The following STK32B variants were observed in gnomAD, a reference collection of about 807,000 sequenced individuals.
STK32B encodes the protein serine/threonine-protein kinase 32B.
Under a neutral mutation model 52.6 loss-of-function variants are expected in STK32B, and 43 were observed. The ratio of observed to expected loss-of-function variants is 0.82; its 90% CI spans 0.64 to 1.05. The LOEUF is 1.05. Ranked by LOEUF, STK32B falls within the 50% of genes least tolerant of loss-of-function variation. The pLI, the probability that STK32B is intolerant of heterozygous loss-of-function variation, is 0.00. For missense variants in STK32B, 621 were observed against 534.6 expected, an observed-to-expected ratio of 1.16 and a Z score of -1.59; for synonymous variants, 238 against 204.3, an observed-to-expected ratio of 1.17 and a Z score of -1.41.
intron 3 of STK32B, among the ~76,000 whole-genome samples, chr4:5,312,748 C>T (rs1046259308): frequency 4.7e-5 from 7 of 150,108 alleles, no homozygotes; most frequent in Admixed American, 2.0e-4. Context: ...AATAAACATA[C>T]GTGTGCATGT....
chr4:5,112,033 A>G (rs1244331756), intron 1 of STK32B, among the ~76,000 whole-genome samples: 2 of 152,144 alleles, frequency 1.3e-5, no homozygotes, highest in Non-Finnish European at 2.9e-5. Context: ...GAGACTTGGG[A>G]TATTGGCCCA....
At chr4:5,334,320 T>C (rs1272725724) in intron 4 of STK32B, among the ~76,000 whole-genome samples, 17 of 151,608 alleles carry the variant, frequency 1.1e-4, no homozygotes, top group African/African-American at 3.9e-4. Flanking sequence ...TTTTTATACA[T>C]TGATTTTGTA....
chr4:5,305,553 C>T (rs1003093020), intron 3 of STK32B, among the ~76,000 whole-genome samples: 2 of 151,970 alleles, frequency 1.3e-5, no homozygotes, highest in African/African-American at 2.4e-5. Context: ...GTAATACCTC[C>T]CATTTCGTTT....
chr4:5,105,142 C>G (rs1350443144), intron 1 of STK32B, among the ~76,000 whole-genome samples: 1 of 152,082 alleles, frequency 6.6e-6, no homozygotes, highest in Non-Finnish European at 1.5e-5. Context: ...GTAATGACAT[C>G]TCATTGCAGT....
At chr4:5,166,526 G>C (rs923725990) in intron 2 of STK32B, among the ~76,000 whole-genome samples, 1 of 149,104 alleles carries the variant, frequency 6.7e-6, no homozygotes, top group Non-Finnish European at 1.5e-5. Flanking sequence ...GTCCTTATAA[G>C]AAGATGAATG....
intron 4 of STK32B, among the ~76,000 whole-genome samples, chr4:5,387,470 G>T (rs989574908): frequency 6.6e-6 from 1 of 152,194 alleles, no homozygotes; most frequent in Admixed American, 6.5e-5. Context: ...CTGCAACCTG[G>T]TGCACCCAGG....
chr4:5,252,081 A>G (rs1725973009), intron 3 of STK32B, among the ~76,000 whole-genome samples: 1 of 152,242 alleles, frequency 6.6e-6, no homozygotes, highest in Non-Finnish European at 1.5e-5. Flanking sequence ...ATCCAGCTCA[A>G]GCAGCAACAA....
intron 2 of STK32B, among the ~76,000 whole-genome samples, chr4:5,143,615 C>T (rs1716674525): frequency 6.6e-6 from 1 of 152,158 alleles, no homozygotes; most frequent in South Asian, 2.1e-4. Flanking sequence ...AGGACCAGTT[C>T]ACAGACACAC....
chr4:5,249,875 C>G (rs985871530), intron 3 of STK32B, among the ~76,000 whole-genome samples: 1 of 152,112 alleles, frequency 6.6e-6, no homozygotes, highest in Non-Finnish European at 1.5e-5. Context: ...GTAATAAGCA[C>G]AGTACTCGAT....
chr4:5,143,089 TTCTGTC>T (rs533776848), intron 2 of STK32B, among the ~76,000 whole-genome samples: 371 of 121,526 alleles, frequency 3.1e-3, no homozygotes, highest in African/African-American at 9.5e-3. Context: ...ATAAATCTGT[TTCTGTC>T]TCTGTCTCTG....
intron 8 of STK32B, 41 bp downstream of exon 8, chr4:5,456,964 G>A (rs757371209): frequency 3.5e-6 from 5 of 1,432,242 alleles, no homozygotes; most frequent in South Asian, 1.4e-5. Flanking sequence ...AGGGAGCTAC[G>A]GTGAGTGTAG....
chr4:5,184,695 A>AAAAAAAAAAAAAGAAG (rs58321341), intron 3 of STK32B, among the ~76,000 whole-genome samples: 2 of 137,556 alleles, frequency 1.5e-5, no homozygotes, highest in Non-Finnish European at 1.5e-5. Flanking sequence ...AAAAAAAAAA[A>AAAAAAAAAAAAAGAAG]AAGAAGAAGA....
intron 4 of STK32B, among the ~76,000 whole-genome samples, chr4:5,355,320 C>T (rs1734098283): frequency 6.6e-6 from 1 of 152,188 alleles, no homozygotes; most frequent in African/African-American, 2.4e-5. Flanking sequence ...GTGCCCATCT[C>T]TCCAGACTTG....
intron 1 of STK32B, among the ~76,000 whole-genome samples, chr4:5,053,176 G>A (rs1199835891): frequency 1.3e-5 from 2 of 152,196 alleles, no homozygotes; most frequent in South Asian, 2.1e-4. Flanking sequence ...TCAGGCCCAC[G>A]AGAGCCTTCC....
chr4:5,133,681 TAGAG>T (rs1053794623), intron 1 of STK32B, among the ~76,000 whole-genome samples: 5 of 152,180 alleles, frequency 3.3e-5, no homozygotes, highest in South Asian at 2.1e-4. Flanking sequence ...AGAAAAATCT[TAGAG>T]AGATGTTAGC....
At chr4:5,233,436 G>T (rs1446425519) in intron 3 of STK32B, among the ~76,000 whole-genome samples, 4 of 152,086 alleles carry the variant, frequency 2.6e-5, no homozygotes, top group Non-Finnish European at 5.9e-5. Flanking sequence ...AAAGAAAGGG[G>T]ACAGCTGATA....
chr4:5,377,425 A>G (rs1239553123), intron 4 of STK32B, among the ~76,000 whole-genome samples: 1 of 152,074 alleles, frequency 6.6e-6, no homozygotes, highest in Non-Finnish European at 1.5e-5. Context: ...TTATCACAAC[A>G]CCTATAAGCG....
the STK32B span, among the ~76,000 whole-genome samples, chr4:5,032,868 GT>G: frequency 6.6e-6 from 1 of 152,040 alleles, no homozygotes; most frequent in East Asian, 1.9e-4. Flanking sequence ...TGATTTAAAG[GT>G]TTAAACTCAA....
intron 3 of STK32B, among the ~76,000 whole-genome samples, chr4:5,218,510 A>G (rs1723320500): frequency 6.6e-6 from 1 of 152,224 alleles, no homozygotes; most frequent in Non-Finnish European, 1.5e-5. Flanking sequence ...CAATTCCTGT[A>G]GTCAGGACTA....
Sources: gnomAD v4.1 joint callset for allele counts (sites outside exome capture counted in the v4.1 genomes callset) on GRCh38, gnomAD v4.1.1 for gene constraint, MANE v1.5 for transcripts, NCBI Gene and HGNC (gene_info 2026-07-23, HGNC 2026-07-21) for gene names.